Variants in CTNND2 observed in about 807,000 individuals in gnomAD.
CTNND2 encodes the protein catenin delta-2.
CTNND2 carries 22 observed loss-of-function variants against 144.4 expected under a neutral mutation model. That is an observed-to-expected ratio of 0.15 (90% CI 0.11 to 0.22). The LOEUF is 0.22. CTNND2 is among the 10% of genes least tolerant of loss of function. The pLI, the probability that CTNND2 is intolerant of heterozygous loss-of-function variation, is 1.00. For missense variants in CTNND2, 1,353 were observed against 1,618.8 expected, an observed-to-expected ratio of 0.84 and a Z score of 2.82; for synonymous variants, 751 against 695.6, an observed-to-expected ratio of 1.08 and a Z score of -1.25.
chr5:11,364,819 C>T lies in CTNND2; in HGVS notation c.1249G>A (p.Glu417Lys). ...GPELRALQSP[E>K]HHIDPIYEDR... is the part of the protein sequence containing the mutation. The stretch of plus-strand genomic sequence containing the variant: ...TCATAGATGGGATCTATGTGGTGTT[C>T]TGGGGACTGCAGGGCCCGCAACTCT... Residue 417 changes from glutamate (E) to lysine (K), a missense_variant, in exon 8 of 22, where the codon GAA becomes AAA. Physicochemically the swap from Glu to Lys is moderately conservative, Grantham distance 56. Transcript: ENST00000304623. 6.2e-7 allele frequency: 1 copy of T among 1,613,932 alleles called. No homozygotes were observed. The highest frequency in any genetic ancestry group is 8.5e-7 in the Non-Finnish European group (1 of 1,179,946).
At chr5:11,298,196 G>A (rs1026712239) in intron 9 of CTNND2, among the ~76,000 whole-genome samples, 8 of 151,882 alleles carry the variant, frequency 5.3e-5, no homozygotes, top group African/African-American at 1.9e-4. Flanking sequence ...TTTTTCTTTT[G>A]AGACAGGGTC....
chr5:11,841,766 A>G (rs1253283376), intron 1 of CTNND2, among the ~76,000 whole-genome samples: 4 of 151,830 alleles, frequency 2.6e-5, no homozygotes, highest in Admixed American at 6.6e-5. Context: ...ATGACATTTA[A>G]TGGACCTCCA....
intron 1 of CTNND2, among the ~76,000 whole-genome samples, chr5:11,749,223 C>G (rs1372546660): frequency 1.3e-5 from 2 of 152,002 alleles, no homozygotes; most frequent in Non-Finnish European, 2.9e-5. Flanking sequence ...AAATACCCAG[C>G]TAAGTGGCTC....
At chr5:10,998,006 T>C (rs1226787640) in intron 18 of CTNND2, among the ~76,000 whole-genome samples, 1 of 152,226 alleles carries the variant, frequency 6.6e-6, no homozygotes, top group African/African-American at 2.4e-5. Flanking sequence ...TCAGATTTCA[T>C]GATGTTTAGA....
rs377284808 is a variant in CTNND2, at chr5:11,886,506, A to G, written c.37+17311T>C. Among the ~76,000 whole-genome samples, 23 of 152,332 alleles carry G rather than the reference A, an allele frequency of 1.5e-4. No individual in the cohort carries two copies. The East Asian group carries it at 3.9e-3, about 26-fold the overall frequency. On this transcript the variant is annotated intron_variant, in intron 1 of 21. Coordinates refer to ENST00000304623, the MANE Select transcript of CTNND2 (RefSeq NM_001332.4). ...TTGAACCATGAAGAAATCAAGTTCA[A>G]TTTGGTTTTCTGAAAAACAACAAAT...
At chr5:11,143,748 A>G (rs1339627165) in intron 12 of CTNND2, among the ~76,000 whole-genome samples, 1 of 152,232 alleles carries the variant, frequency 6.6e-6, no homozygotes, top group Non-Finnish European at 1.5e-5. Context: ...AGAGTGAATC[A>G]TTTGACTGGT....
chr5:11,137,429 C>A lies in CTNND2; in HGVS notation c.2160-19862G>T, dbSNP rs147485644. Among the ~76,000 whole-genome samples, 6 of 152,238 alleles carry A rather than the reference C, an allele frequency of 3.9e-5. No individual in the cohort carries two copies. The East Asian group carries it at 9.6e-4, about 24-fold the overall frequency. On this transcript the variant is annotated intron_variant, in intron 12 of 21. Coordinates refer to ENST00000304623, the MANE Select transcript of CTNND2 (RefSeq NM_001332.4). Reference sequence around the variant, plus strand: ...ACTATAAATAGTACATACACCCCAACGTGTCCAGGAATTTCCTTGTTTTTT... The same window carrying A: ...ACTATAAATAGTACATACACCCCAAAGTGTCCAGGAATTTCCTTGTTTTTT...
chr5:11,190,548 A>C (rs1207510283), intron 11 of CTNND2, among the ~76,000 whole-genome samples: 1 of 152,232 alleles, frequency 6.6e-6, no homozygotes, highest in Non-Finnish European at 1.5e-5. Flanking sequence ...CCCAACCCCT[A>C]GCAGTAATGA....
chr5:11,294,584 T>C (rs150005497), intron 9 of CTNND2, among the ~76,000 whole-genome samples: 2 of 152,114 alleles, frequency 1.3e-5, no homozygotes, highest in African/African-American at 4.8e-5. Flanking sequence ...ACAGTTTCAA[T>C]AAAATACTGG....
At chr5:11,069,585 A>G (rs1748002077) in intron 16 of CTNND2, among the ~76,000 whole-genome samples, 1 of 152,150 alleles carries the variant, frequency 6.6e-6, no homozygotes, top group African/African-American at 2.4e-5. Flanking sequence ...CCTGAAAAAT[A>G]TAGGTAGTAC....
intron 9 of CTNND2, among the ~76,000 whole-genome samples, chr5:11,332,327 G>C (rs1306144145): frequency 1.3e-5 from 2 of 151,700 alleles, no homozygotes; most frequent in Non-Finnish European, 2.9e-5. Context: ...GGTAGTGGGA[G>C]GCACTGTTTT....
chr5:11,806,202 ATACATGT>A, intron 1 of CTNND2, among the ~76,000 whole-genome samples: 1 of 152,178 alleles, frequency 6.6e-6, no homozygotes, highest in Non-Finnish European at 1.5e-5. Context: ...TGTAATTACA[ATACATGT>A]GACATAGTAA....
intron 2 of CTNND2, among the ~76,000 whole-genome samples, chr5:11,623,998 G>GAT (rs1320665486): frequency 6.6e-6 from 1 of 151,328 alleles, no homozygotes; most frequent in Non-Finnish European, 1.5e-5. Flanking sequence ...ATGTAGCAAA[G>GAT]ATATTCAGGA....
At chr5:11,386,672 C>G (rs899142735) in intron 6 of CTNND2, among the ~76,000 whole-genome samples, 1 of 152,150 alleles carries the variant, frequency 6.6e-6, no homozygotes, top group African/African-American at 2.4e-5. Flanking sequence ...CTCACACACA[C>G]ATGCAATCCA....
chr5:11,513,819 C>T (rs899804905), intron 3 of CTNND2, among the ~76,000 whole-genome samples: 1 of 152,084 alleles, frequency 6.6e-6, no homozygotes, highest in Middle Eastern at 3.2e-3. Flanking sequence ...CACATAGCCA[C>T]ACCTCAATAA....
chr5:11,511,659 A>T (rs1002957022), intron 3 of CTNND2, among the ~76,000 whole-genome samples: 4 of 152,128 alleles, frequency 2.6e-5, no homozygotes, highest in African/African-American at 9.7e-5. Context: ...TTTCCCCTTT[A>T]TATGTCAAGC....
At chr5:11,806,319 CA>C (rs879829837) in intron 1 of CTNND2, among the ~76,000 whole-genome samples, 10 of 152,106 alleles carry the variant, frequency 6.6e-5, no homozygotes, top group African/African-American at 1.4e-4. Flanking sequence ...TAAAACTGCA[CA>C]AAAAATTATC....
chr5:11,042,052 CTT>C (rs1174128119), intron 16 of CTNND2, among the ~76,000 whole-genome samples: 1 of 151,174 alleles, frequency 6.6e-6, no homozygotes, highest in East Asian at 1.9e-4. Context: ...AATAGAGAAA[CTT>C]ATCAGAATAG....
chr5:11,776,748 G>A lies in CTNND2; in HGVS notation c.38-44476C>T, dbSNP rs79005482. On this transcript the variant is annotated intron_variant, in intron 1 of 21. Coordinates refer to ENST00000304623, the MANE Select transcript of CTNND2 (RefSeq NM_001332.4). ...TATACATCCCCAAGTTATTCATCTA[G>A]CAAATAAAAATTACTTTTAAAAAAC... 2.7e-3 allele frequency among the ~76,000 whole-genome samples: 408 copies of A among 151,974 alleles called. 1 individual carries two copies. Among genetic ancestry groups the A allele is most frequent in the Non-Finnish European group, 3.9e-3 (264 of 67,988 alleles).
Sources: allele counts gnomAD v4.1 joint callset (sites outside exome capture counted in the v4.1 genomes callset), GRCh38; gene constraint gnomAD v4.1.1; transcripts MANE v1.5; gene names NCBI Gene and HGNC (gene_info 2026-07-23, HGNC 2026-07-21).